DNAJA3: variants seen among roughly 807,000 people sequenced by gnomAD.
DNAJA3 encodes DnaJ heat shock protein family (Hsp40) member A3.
A neutral mutation model predicts 54.9 loss-of-function variants in DNAJA3; 29 were observed. The observed-to-expected ratio is 0.53, with a 90% CI of 0.39 to 0.72. The LOEUF is 0.72. Among genes scored for constraint, DNAJA3 ranks in the 30% least tolerant of loss-of-function variants. DNAJA3 has a pLI of 0.00. For missense variants in DNAJA3, 708 were observed against 639.4 expected, an observed-to-expected ratio of 1.11 and a Z score of -1.16; for synonymous variants, 302 against 251.4, an observed-to-expected ratio of 1.20 and a Z score of -1.90.
chr16:4,439,214 A>T (rs2056810276), intron 3 of DNAJA3, among the ~76,000 whole-genome samples: 1 of 152,110 alleles, frequency 6.6e-6, no homozygotes, highest in African/African-American at 2.4e-5. Flanking sequence ...TACAAAAATT[A>T]GCCAGGTGTG....
At chr16:4,438,616 G>A (rs1460743702) in intron 3 of DNAJA3, among the ~76,000 whole-genome samples, 2 of 142,696 alleles carry the variant, frequency 1.4e-5, no homozygotes, top group African/African-American at 5.2e-5. Context: ...CTTTTTCCCA[G>A]ATTTTTTGAC....
At chr16:4,436,036 C>G (rs2056768451) in intron 2 of DNAJA3, among the ~76,000 whole-genome samples, 5 of 152,224 alleles carry the variant, frequency 3.3e-5, no homozygotes, top group Admixed American at 3.3e-4. Context: ...GAAATGCTAT[C>G]TCGTTAGAGT....
At position 4,429,448 on chromosome 16, in the gene DNAJA3, T is replaced by G. The variant is rs141276179; in HGVS notation, c.211+3356T>G. ...CATATTGGCCAGGATGGTCTCGATC[T>G]CTTTACCCATGATCTGTCCACCTCA... On this transcript the variant is annotated intron_variant, in intron 1 of 11. Transcript: ENST00000262375. Among the ~76,000 whole-genome samples the G allele has an allele frequency of 1.0e-3, 153 of 148,794 alleles. 3 individuals are homozygous for G. In the East Asian group the frequency reaches 0.026, roughly 26 times the overall value.
At chr16:4,448,495 T>A (rs1204765529) in intron 8 of DNAJA3, among the ~76,000 whole-genome samples, 3 of 151,146 alleles carry the variant, frequency 2.0e-5, no homozygotes, top group Admixed American at 6.6e-5. Flanking sequence ...AGGTGCACGT[T>A]ACCATGCCCT....
At chr16:4,454,512 T>G (rs1048565263) in intron 10 of DNAJA3, among the ~76,000 whole-genome samples, 28 of 152,248 alleles carry the variant, frequency 1.8e-4, no homozygotes, top group African/African-American at 6.5e-4. Flanking sequence ...TTTGTCACTG[T>G]TGCTCAGATA....
At chr16:4,451,470 C>A (rs1227602787) in intron 10 of DNAJA3, among the ~76,000 whole-genome samples, 1 of 151,870 alleles carries the variant, frequency 6.6e-6, no homozygotes, top group Non-Finnish European at 1.5e-5. Flanking sequence ...TAAAAAGCAG[C>A]TGCCGGCCGG....
intron 1 of DNAJA3, 67 bp from the exon 2 acceptor site, chr16:4,434,317 A>C: frequency 6.4e-7 from 1 of 1,557,342 alleles, no homozygotes; most frequent in Non-Finnish European, 8.7e-7. Context: ...CTGGTGGGTC[A>C]TGTACTCACA....
chr16:4,444,633 C>T (rs758278552), intron 6 of DNAJA3, 31 bp from the exon 7 acceptor site: 13 of 1,609,294 alleles, frequency 8.1e-6, no homozygotes, highest in Non-Finnish European at 1.0e-5. Flanking sequence ...CGCGTCCTGC[C>T]TAACTTCTCC....
intron 1 of DNAJA3, chr16:4,433,256 G>GATTAAATT: frequency 6.6e-6 from 1 of 152,258 alleles, no homozygotes; most frequent in East Asian, 1.9e-4. Context: ...CAGATCCAAA[G>GATTAAATT]TACAAAGTCA....
chr16:4,436,959 A>G (rs2056778757), intron 2 of DNAJA3, among the ~76,000 whole-genome samples: 1 of 152,008 alleles, frequency 6.6e-6, no homozygotes, highest in South Asian at 2.1e-4. Flanking sequence ...ATACATTAAA[A>G]CAGATCATTA....
intron 9 of DNAJA3, 112 bp downstream of exon 9, chr16:4,448,960 C>G (rs2056941903): frequency 2.7e-6 from 2 of 728,610 alleles, no homozygotes; most frequent in South Asian, 1.6e-5. Flanking sequence ...TGGTTCCTGC[C>G]CGAGTTATCT....
chr16:4,452,417 T>G (rs2056989626), intron 10 of DNAJA3, among the ~76,000 whole-genome samples: 1 of 152,172 alleles, frequency 6.6e-6, no homozygotes, highest in East Asian at 1.9e-4. Flanking sequence ...CTGTTGGAGG[T>G]TGGGTATTAC....
chr16:4,445,102 ACAATGCCTTCTACTGG>A (rs1567331277), intron 7 of DNAJA3, among the ~76,000 whole-genome samples: 1 of 152,224 alleles, frequency 6.6e-6, no homozygotes, highest in Non-Finnish European at 1.5e-5. Context: ...ATTAATGAAG[ACAATGCCTTCTACTGG>A]CAATTGCCCT....
At chr16:4,451,737 A>ACAGTGAG (rs1355858346) in intron 10 of DNAJA3, among the ~76,000 whole-genome samples, 1 of 126,308 alleles carries the variant, frequency 7.9e-6, no homozygotes, top group East Asian at 2.4e-4. Flanking sequence ...AGCTTGGGTG[A>ACAGTGAG]CAGTGAGACT....
At chr16:4,428,359 C>T (rs1009356258) in intron 1 of DNAJA3, among the ~76,000 whole-genome samples, 2 of 152,178 alleles carry the variant, frequency 1.3e-5, no homozygotes, top group African/African-American at 4.8e-5. Context: ...AGGTGTGTGC[C>T]ACCATGCCAG....
At chr16:4,435,607 T>G (rs2056764216) in intron 2 of DNAJA3, among the ~76,000 whole-genome samples, 1 of 152,228 alleles carries the variant, frequency 6.6e-6, no homozygotes, top group African/African-American at 2.4e-5. Flanking sequence ...GTGTCTTGGC[T>G]TCTTTCATTC....
In DNAJA3 at chr16:4,455,946, C is replaced by A. The variant is rs1437942590; in HGVS notation, c.*414C>A. ...AAGTTACGAAGTGATTAATTTCCTT[C>A]TCAGCAAACCTCCGGGAGGTTCCAG... On this transcript the variant is annotated 3_prime_UTR_variant, in exon 12 of 12. Transcript: ENST00000262375. 3.7e-6 allele frequency: 1 copy of A among 270,570 alleles called. No individual in the cohort carries two copies. The highest frequency in any genetic ancestry group is 7.1e-5 in the East Asian group (1 of 13,988). 16.8% of individuals were successfully genotyped at this position (270,570 alleles called of 1,614,324 possible).
At chr16:4,432,445 C>T (rs749564210) in intron 1 of DNAJA3, among the ~76,000 whole-genome samples, 3 of 151,088 alleles carry the variant, frequency 2.0e-5, no homozygotes, top group Non-Finnish European at 2.9e-5. Flanking sequence ...CAGGTTCAAG[C>T]GATTCTCTTG....
At chr16:4,442,148 A>G in intron 4 of DNAJA3, 120 bp from the exon 5 acceptor site, 1 of 1,050,622 alleles carries the variant, frequency 9.5e-7, no homozygotes, top group Non-Finnish European at 1.3e-6. Context: ...AGTGCAAGTA[A>G]GTACAGTGGT....
Sources: allele counts gnomAD v4.1 joint callset (sites outside exome capture counted in the v4.1 genomes callset), GRCh38; gene constraint gnomAD v4.1.1; transcripts MANE v1.5; gene names NCBI Gene and HGNC (gene_info 2026-07-23, HGNC 2026-07-21).